Variants in RBFOX1 observed in about 807,000 individuals in gnomAD.
RBFOX1 encodes the protein RNA binding fox-1 homolog 1.
A neutral mutation model predicts 57.7 loss-of-function variants in RBFOX1; 8 were observed. That is an observed-to-expected ratio of 0.14 (90% CI 0.08 to 0.25). RBFOX1 has a LOEUF of 0.25. RBFOX1 is among the 10% of genes least tolerant of loss of function. The pLI is 1.00. For synonymous variants in RBFOX1, 326 were observed against 222.4 expected (o/e 1.47, Z -4.15); for missense variants, 611 against 548.5 (o/e 1.11, Z -1.14).
intron 3 of RBFOX1, among the ~76,000 whole-genome samples, chr16:6,898,243 G>C (rs1235895103): frequency 6.6e-6 from 1 of 152,026 alleles, no homozygotes; most frequent in Non-Finnish European, 1.5e-5. Flanking sequence ...ATCAAGCTCT[G>C]ACTCCAGCTG....
intron 3 of RBFOX1, among the ~76,000 whole-genome samples, chr16:6,975,060 A>T (rs914422845): frequency 6.6e-6 from 1 of 152,202 alleles, no homozygotes; most frequent in Non-Finnish European, 1.5e-5. Flanking sequence ...GTTTAAAAAT[A>T]TATGGCAGAA....
chr16:6,660,256 C>T (rs953930556), intron 3 of RBFOX1, among the ~76,000 whole-genome samples: 10 of 150,854 alleles, frequency 6.6e-5, no homozygotes, highest in Non-Finnish European at 1.2e-4. Context: ...GAAATTCTTG[C>T]TTAAAGAGTA....
chr16:7,687,511 G>A (rs2076317658), intron 14 of RBFOX1, among the ~76,000 whole-genome samples: 1 of 151,884 alleles, frequency 6.6e-6, no homozygotes, highest in South Asian at 2.1e-4. Context: ...CAACTCTTTG[G>A]TAAGATCAGC....
intron 3 of RBFOX1, among the ~76,000 whole-genome samples, chr16:5,855,296 C>T (rs745354882): frequency 1.2e-4 from 19 of 152,284 alleles, no homozygotes; most frequent in Admixed American, 3.3e-4. Flanking sequence ...AAATTCACTA[C>T]GCAGACCAAT....
chr16:6,529,075 A>G (rs932697427), intron 2 of RBFOX1, among the ~76,000 whole-genome samples: 1 of 152,182 alleles, frequency 6.6e-6, no homozygotes, highest in African/African-American at 2.4e-5. Flanking sequence ...AACTTCTTGT[A>G]AACCGCCCCC....
intron 3 of RBFOX1, among the ~76,000 whole-genome samples, chr16:6,664,146 C>G (rs796918661): frequency 1.4e-4 from 22 of 152,246 alleles, no homozygotes; most frequent in African/African-American, 5.3e-4. Context: ...TCTGTCAGTT[C>G]CCTTCTGGTC....
intron 3 of RBFOX1, among the ~76,000 whole-genome samples, chr16:6,924,175 T>TAAG (rs1485304617): frequency 6.6e-6 from 1 of 150,578 alleles, no homozygotes; most frequent in African/African-American, 2.4e-5. Context: ...TCAAAAATAA[T>TAAG]AATAATAATA....
intron 1 of RBFOX1, among the ~76,000 whole-genome samples, chr16:5,415,244 G>C (rs915344112): frequency 1.3e-5 from 2 of 152,290 alleles, no homozygotes; most frequent in Admixed American, 6.5e-5. Context: ...CAGAAGGTGA[G>C]GGGGAGGAAG....
intron 3 of RBFOX1, among the ~76,000 whole-genome samples, chr16:6,942,445 C>T (rs1307231689): frequency 1.3e-5 from 2 of 152,102 alleles, no homozygotes; most frequent in African/African-American, 2.4e-5. Flanking sequence ...AGTTTTGAGC[C>T]ATTGTGCCCA....
At chr16:6,220,774 A>T (rs1023469487) in intron 1 of RBFOX1, among the ~76,000 whole-genome samples, 1 of 152,054 alleles carries the variant, frequency 6.6e-6, no homozygotes, top group African/African-American at 2.4e-5. Context: ...ATCACAGTAC[A>T]ATCAGCATTA....
chr16:7,418,598 T>C (rs761246185), intron 4 of RBFOX1, among the ~76,000 whole-genome samples: 3 of 152,216 alleles, frequency 2.0e-5, no homozygotes, highest in African/African-American at 7.2e-5. Flanking sequence ...CCAAACAATA[T>C]TTGGCTGAAC....
At chr16:7,420,383 T>C (rs1244742747) in intron 4 of RBFOX1, among the ~76,000 whole-genome samples, 1 of 152,054 alleles carries the variant, frequency 6.6e-6, no homozygotes, top group Non-Finnish European at 1.5e-5. Context: ...GAGATTGAGG[T>C]ATAAGAAGGA....
At chr16:6,028,577 AG>A (rs1165090374) in intron 1 of RBFOX1, among the ~76,000 whole-genome samples, 1 of 150,932 alleles carries the variant, frequency 6.6e-6, no homozygotes, top group African/African-American at 2.4e-5. Flanking sequence ...CTAGCTACTC[AG>A]GAGGCTGGGA....
At chr16:6,870,747 C>G (rs1353528698) in intron 3 of RBFOX1, among the ~76,000 whole-genome samples, 1 of 152,148 alleles carries the variant, frequency 6.6e-6, no homozygotes, top group Non-Finnish European at 1.5e-5. Context: ...AAACTCCTCC[C>G]CACCCCAGCC....
Position 5,372,462 on chromosome 16 carries a change from GTAAA to G in RBFOX1, c.220-94750_220-94747del, listed in dbSNP as rs766179362. Among the ~76,000 whole-genome samples the G allele has an allele frequency of 6.6e-4, 100 of 151,992 alleles. 1 individual carries two copies. Among genetic ancestry groups the G allele is most frequent in the Admixed American group, 1.8e-3 (27 of 15,254 alleles). On this transcript the variant is annotated intron_variant, in intron 1 of 2. Transcript: ENST00000585867. ...TTATTTGGTCATGAAAAATAAATAAGTAAATAAGAAGAAGATGAAGAAAAGAAAT... is the reference window on the plus strand; with the variant it reads ...TTATTTGGTCATGAAAAATAAATAAGTAAGAAGAAGATGAAGAAAAGAAAT...
At chr16:7,182,863 A>G (rs2082997449) in intron 4 of RBFOX1, among the ~76,000 whole-genome samples, 1 of 152,258 alleles carries the variant, frequency 6.6e-6, no homozygotes, top group East Asian at 1.9e-4. Context: ...TTTTAGCTCA[A>G]CTTCTATGTC....
intron 3 of RBFOX1, among the ~76,000 whole-genome samples, chr16:6,824,996 T>G (rs1192892599): frequency 9.2e-6 from 1 of 109,250 alleles, no homozygotes; most frequent in African/African-American, 3.9e-5. Flanking sequence ...TTTTTTTTTT[T>G]TTTTTTTTTT....
chr16:6,740,248 G>A (rs147288444), intron 3 of RBFOX1, among the ~76,000 whole-genome samples: 36 of 152,156 alleles, frequency 2.4e-4, no homozygotes, highest in African/African-American at 6.3e-4. Flanking sequence ...AATAAGAATC[G>A]ATAACAGTTT....
intron 4 of RBFOX1, among the ~76,000 whole-genome samples, chr16:7,061,670 C>T (rs765525204): frequency 6.6e-6 from 1 of 152,152 alleles, no homozygotes; most frequent in Non-Finnish European, 1.5e-5. Context: ...ATGCCCCTTT[C>T]CAGGGAAAAT....
Sources: allele counts gnomAD v4.1 joint callset (sites outside exome capture counted in the v4.1 genomes callset), GRCh38; gene constraint gnomAD v4.1.1; transcripts MANE v1.5; gene names NCBI Gene and HGNC (gene_info 2026-07-23, HGNC 2026-07-21).